The following ANKRD12 variants were observed in gnomAD, a reference collection of about 807,000 sequenced individuals.
The protein encoded by ANKRD12 is ankyrin repeat domain-containing protein 12.
ANKRD12 carries 85 observed loss-of-function variants against 183.4 expected under a neutral mutation model. The observed-to-expected ratio is 0.46, with a 90% confidence interval of 0.39 to 0.56. The LOEUF is 0.56. Ranked by LOEUF, ANKRD12 falls within the 20% of genes least tolerant of loss-of-function variation. The pLI is 0.00. For missense variants in ANKRD12, 2,405 were observed against 2,357.1 expected, an observed-to-expected ratio of 1.02 and a Z score of -0.42; for synonymous variants, 914 against 800.2, an observed-to-expected ratio of 1.14 and a Z score of -2.40.
rs376598587 is a variant in ANKRD12, at chr18:9,141,782, G to GA, written c.-52+4823dup. Among the ~76,000 whole-genome samples the GA allele has an allele frequency of 1.2e-3, 182 of 152,224 alleles. 1 individual carries two copies. Among genetic ancestry groups the GA allele is most frequent in the African/African-American group, 4.2e-3 (173 of 41,536 alleles). On this transcript the variant is annotated intron_variant, in intron 1 of 12. Transcript: ENST00000262126. ...CAGTGTGTACTCAGGCCATAACTGGGAAAAAATAACACAAATGTTAGCAAT... is the reference window on the plus strand; with the variant it reads ...CAGTGTGTACTCAGGCCATAACTGGGAAAAAAATAACACAAATGTTAGCAAT...
chr18:9,233,113 A>G (rs2037149100), intron 8 of ANKRD12, among the ~76,000 whole-genome samples: 1 of 151,910 alleles, frequency 6.6e-6, no homozygotes, highest in Non-Finnish European at 1.5e-5. Flanking sequence ...CGGCCTCCCA[A>G]AGTGCTGTGA....
At chr18:9,249,110 G>A (rs186928335) in intron 8 of ANKRD12, among the ~76,000 whole-genome samples, 86 of 152,180 alleles carry the variant, frequency 5.7e-4, no homozygotes, top group African/African-American at 1.6e-3. Flanking sequence ...CATTACGAAA[G>A]TCCTCTGTGT....
intron 2 of ANKRD12, among the ~76,000 whole-genome samples, chr18:9,186,034 C>A (rs570044826): frequency 6.6e-6 from 1 of 152,160 alleles, no homozygotes; most frequent in Non-Finnish European, 1.5e-5. Flanking sequence ...ATTTATGAGG[C>A]TAAACTGAAT....
chr18:9,223,307 G>A (rs1207981735), intron 8 of ANKRD12, among the ~76,000 whole-genome samples: 1 of 151,496 alleles, frequency 6.6e-6, no homozygotes, highest in African/African-American at 2.4e-5. Flanking sequence ...TGGCTGGAGT[G>A]CAGTGGCGTG....
In ANKRD12 at chr18:9,199,515, C is replaced by T. The variant is rs139610628; in HGVS notation, c.235+3817C>T. The stretch of plus-strand genomic sequence containing the variant: ...AAAATATAAATGTTATAAACCTTGA[C>T]GTAAGGAAATAACAGAAAAAAGGGT... On this transcript the variant is annotated intron_variant, in intron 3 of 12. Coordinates refer to ENST00000262126, the MANE Select transcript of ANKRD12 (RefSeq NM_015208.5). 2.5e-3 allele frequency among the ~76,000 whole-genome samples: 383 copies of T among 151,750 alleles called. 2 individuals carry two copies. Among genetic ancestry groups the T allele is most frequent in the Non-Finnish European group, 4.5e-3 (303 of 67,934 alleles).
chr18:9,142,661 C>G (rs1191568774), intron 1 of ANKRD12, among the ~76,000 whole-genome samples: 4 of 152,082 alleles, frequency 2.6e-5, no homozygotes, highest in Non-Finnish European at 5.9e-5. Flanking sequence ...GCTGGCAGAT[C>G]ACCTGAGGTC....
chr18:9,268,528 T>C (rs1567998983), intron 10 of ANKRD12, among the ~76,000 whole-genome samples: 1 of 152,170 alleles, frequency 6.6e-6, no homozygotes, highest in African/African-American at 2.4e-5. Flanking sequence ...AACCACATGA[T>C]TATCTCAATA....
chr18:9,270,222 A>G (rs868196672), intron 10 of ANKRD12, among the ~76,000 whole-genome samples: 16 of 152,234 alleles, frequency 1.1e-4, no homozygotes, highest in African/African-American at 3.9e-4. Context: ...TTAGGGATCT[A>G]GAACTAGAAA....
chr18:9,152,613 A>T (rs2078718904), intron 1 of ANKRD12, among the ~76,000 whole-genome samples: 1 of 151,616 alleles, frequency 6.6e-6, no homozygotes, highest in African/African-American at 2.4e-5. Flanking sequence ...TTATTGTAGT[A>T]ATATATATAT....
rs868669829 is a variant in ANKRD12, at chr18:9,173,624, G to C, written c.-51-8758G>C. 2.9e-3 allele frequency among the ~76,000 whole-genome samples: 437 copies of C among 149,088 alleles called. 5 individuals are homozygous for C. The highest frequency in any genetic ancestry group is 0.011 in the African/African-American group (425 of 40,212). ...CCATCCCGGTGGGGTGGTGGGGGGGGGGTAGGGGGGGCAGTACTGACCTGT... is the reference window on the plus strand; with the variant it reads ...CCATCCCGGTGGGGTGGTGGGGGGGCGGTAGGGGGGGCAGTACTGACCTGT... On this transcript the variant is annotated intron_variant, in intron 1 of 12. Coordinates refer to ENST00000262126, the MANE Select transcript of ANKRD12 (RefSeq NM_015208.5).
intron 10 of ANKRD12, among the ~76,000 whole-genome samples, chr18:9,265,886 G>A (rs1022973109): frequency 5.9e-5 from 9 of 152,038 alleles, no homozygotes; most frequent in Admixed American, 3.9e-4. Flanking sequence ...AAGATTAGAC[G>A]AATGGCTAAC....
intron 9 of ANKRD12, chr18:9,259,887 A>G (rs2038865985): frequency 6.6e-6 from 1 of 152,186 alleles, no homozygotes. Flanking sequence ...AGGCAGGTTG[A>G]AATAGTATAT....
intron 3 of ANKRD12, chr18:9,200,667 G>C (rs1370335899): frequency 6.6e-6 from 1 of 152,142 alleles, no homozygotes. Context: ...TTCCTTATCT[G>C]TAAAAGTACA....
intron 1 of ANKRD12, among the ~76,000 whole-genome samples, chr18:9,179,431 AT>A (rs1165699121): frequency 6.6e-6 from 1 of 152,142 alleles, no homozygotes; most frequent in Admixed American, 6.6e-5. Flanking sequence ...TGGGTATTGA[AT>A]GTTAGCTAAC....
At chr18:9,177,299 C>T (rs11660889) in intron 1 of ANKRD12, among the ~76,000 whole-genome samples, 16,836 of 152,176 alleles carry the variant, frequency 0.11, 1,095 homozygotes, top group African/African-American at 0.16. Context: ...GTGGCCGTAC[C>T]GCTATGCATC....
intron 10 of ANKRD12, among the ~76,000 whole-genome samples, chr18:9,264,986 CCTGA>C (rs1234334370): frequency 2.6e-5 from 4 of 152,376 alleles, no homozygotes; most frequent in East Asian, 1.9e-4. Context: ...ATCTCCTGCG[CCTGA>C]CTAAGAGAGT....
At chr18:9,169,541 C>G (rs1568246472) in intron 1 of ANKRD12, among the ~76,000 whole-genome samples, 2 of 151,992 alleles carry the variant, frequency 1.3e-5, no homozygotes, top group African/African-American at 4.8e-5. Flanking sequence ...CAACCCCTGC[C>G]TTTTTTTGTT....
At chr18:9,259,046 C>CT (rs1305944758) in intron 9 of ANKRD12, 115 bp downstream of exon 9, 14 of 1,222,244 alleles carry the variant, frequency 1.1e-5, no homozygotes, top group East Asian at 4.9e-5. Context: ...GCAAAATAAT[C>CT]TGTCAGTGAG....
intron 8 of ANKRD12, among the ~76,000 whole-genome samples, chr18:9,242,576 C>T (rs865936771): frequency 2.2e-4 from 34 of 152,146 alleles, no homozygotes; most frequent in African/African-American, 7.9e-4. Flanking sequence ...ATGGAATAGC[C>T]GAGACTGGGT....
Sources: allele counts gnomAD v4.1 joint callset (sites outside exome capture counted in the v4.1 genomes callset), GRCh38; gene constraint gnomAD v4.1.1; transcripts MANE v1.5; gene names NCBI Gene and HGNC (gene_info 2026-07-23, HGNC 2026-07-21).